The following SRFBP1 variants were observed in gnomAD, a reference collection of about 807,000 sequenced individuals.
The protein encoded by SRFBP1 is serum response factor-binding protein 1.
A neutral mutation model predicts 45.5 loss-of-function variants in SRFBP1; 47 were observed. The ratio of observed to expected loss-of-function variants is 1.03; its 90% CI spans 0.82 to 1.32. SRFBP1 has a LOEUF of 1.32. Ranked by LOEUF, SRFBP1 falls within the 40% of genes most tolerant of loss-of-function variation. The pLI is 0.00. For missense variants in SRFBP1, 621 were observed against 484.6 expected, an observed-to-expected ratio of 1.28 and a Z score of -2.64; for synonymous variants, 203 against 166.3, an observed-to-expected ratio of 1.22 and a Z score of -1.70.
chr5:121,966,730 G>A (rs571789537), intron 1 of SRFBP1, among the ~76,000 whole-genome samples: 1 of 152,120 alleles, frequency 6.6e-6, no homozygotes, highest in South Asian at 2.1e-4. Flanking sequence ...TTCATAGGAA[G>A]GCCAACGGCC....
At chr5:122,078,027 C>G, downstream of SRFBP1, 1 of 1,430,496 alleles carries the variant, frequency 7.0e-7, no homozygotes, top group Non-Finnish European at 9.1e-7. Context: ...GAGGACGTGG[C>G]TCACAGAAAA....
chr5:122,060,173 T>G (rs908016378), intron 2 of SRFBP1, among the ~76,000 whole-genome samples: 2 of 152,086 alleles, frequency 1.3e-5, no homozygotes, highest in African/African-American at 4.8e-5. Context: ...GTGGCATTAG[T>G]TCTTTCTGGA....
chr5:122,074,054 A>C, intron 2 of SRFBP1: 2 of 1,614,092 alleles, frequency 1.2e-6, no homozygotes, highest in Non-Finnish European at 1.7e-6. Flanking sequence ...TGGTAGCCAT[A>C]GTCACAGGAT....
At chr5:122,030,501 G>T (rs1367711222), downstream of SRFBP1, among the ~76,000 whole-genome samples, 1 of 152,026 alleles carries the variant, frequency 6.6e-6, no homozygotes, top group Non-Finnish European at 1.5e-5. Flanking sequence ...TAACTGGAAG[G>T]CTTAACTTGC....
chr5:122,056,490 C>A (rs758242324), intron 2 of SRFBP1, among the ~76,000 whole-genome samples: 6 of 152,134 alleles, frequency 3.9e-5, no homozygotes, highest in Admixed American at 1.3e-4. Flanking sequence ...ACATTCCTAA[C>A]CATTATCAAT....
intron 5 of SRFBP1, among the ~76,000 whole-genome samples, chr5:122,019,566 A>G (rs1301217161): frequency 1.3e-5 from 2 of 151,286 alleles, no homozygotes; most frequent in African/African-American, 2.4e-5. Flanking sequence ...AATACGTAAT[A>G]TATATCTTTT....
intron 4 of SRFBP1, among the ~76,000 whole-genome samples, chr5:121,995,209 A>C (rs1228374867): frequency 6.6e-6 from 1 of 151,842 alleles, no homozygotes; most frequent in Non-Finnish European, 1.5e-5. Context: ...AACAGAATAT[A>C]CATTTTTTTC....
rs1213918460 is a variant in SRFBP1, at chr5:122,071,204, T to C, written n.312-4111T>C. Among the ~76,000 whole-genome samples, 3 of 151,694 alleles carry C rather than the reference T, an allele frequency of 2.0e-5. 1 individual carries two copies. Among genetic ancestry groups the C allele is most frequent in the African/African-American group, 7.3e-5 (3 of 41,152 alleles). On this transcript the variant is annotated intron_variant and non_coding_transcript_variant, in intron 2 of 2. Coordinates refer to the SRFBP1 transcript ENST00000504881. ...TCGTAAACATTTATATGTGTGTGTG[T>C]GTGTGTGTGTGTGTGTATAAAAATT... is the stretch of plus-strand genomic sequence containing the variant.
At chr5:122,003,176 C>G (rs1316415974) in intron 4 of SRFBP1, among the ~76,000 whole-genome samples, 1 of 151,798 alleles carries the variant, frequency 6.6e-6, no homozygotes, top group Non-Finnish European at 1.5e-5. Flanking sequence ...AACCCTATCT[C>G]TACAAAAACA....
intron 4 of SRFBP1, among the ~76,000 whole-genome samples, chr5:122,014,923 A>G (rs1753167055): frequency 2.0e-5 from 3 of 152,184 alleles, no homozygotes; most frequent in African/African-American, 7.2e-5. Flanking sequence ...ACAGCAGTAG[A>G]TGTGTTTTTC....
chr5:121,975,528 T>A, intron 3 of SRFBP1, 141 bp downstream of exon 3: 1 of 880,860 alleles, frequency 1.1e-6, no homozygotes, highest in Non-Finnish European at 1.7e-6. Context: ...TGGTGAAGAA[T>A]GTAGCACATT....
chr5:122,009,785 T>C (rs1392875120), intron 4 of SRFBP1, among the ~76,000 whole-genome samples: 1 of 151,930 alleles, frequency 6.6e-6, no homozygotes, highest in Non-Finnish European at 1.5e-5. Context: ...TCTGCAGTAA[T>C]GGCAAGGATA....
chr5:122,000,345 T>G (rs1424861626), intron 4 of SRFBP1, among the ~76,000 whole-genome samples: 1 of 152,102 alleles, frequency 6.6e-6, no homozygotes, highest in African/African-American at 2.4e-5. Flanking sequence ...TAATTAAACA[T>G]AAAAATAAAT....
At chr5:122,032,071 A>G (rs1409515449), downstream of SRFBP1, among the ~76,000 whole-genome samples, 1 of 152,196 alleles carries the variant, frequency 6.6e-6, no homozygotes, top group Non-Finnish European at 1.5e-5. Context: ...GACCTTGTGA[A>G]TATACAGGAT....
At chr5:121,979,688 G>C (rs1483098594) in intron 3 of SRFBP1, among the ~76,000 whole-genome samples, 1 of 152,158 alleles carries the variant, frequency 6.6e-6, no homozygotes, top group South Asian at 2.1e-4. Flanking sequence ...GGGGACAGGA[G>C]AAGCAAGGAG....
intron 2 of SRFBP1, among the ~76,000 whole-genome samples, chr5:122,044,108 T>C (rs924680539): frequency 3.3e-5 from 5 of 152,298 alleles, no homozygotes; most frequent in African/African-American, 9.6e-5. Flanking sequence ...ATGTGCAGTA[T>C]TGGATTTTCT....
At chr5:122,053,396 G>A (rs1323214142) in intron 2 of SRFBP1, among the ~76,000 whole-genome samples, 2 of 152,200 alleles carry the variant, frequency 1.3e-5, no homozygotes, top group Non-Finnish European at 2.9e-5. Context: ...GCTGCCAGGG[G>A]TGGAAGTGAG....
chr5:122,012,837 G>C (rs1260570068), intron 4 of SRFBP1, among the ~76,000 whole-genome samples: 3 of 152,002 alleles, frequency 2.0e-5, no homozygotes, highest in Non-Finnish European at 4.4e-5. Context: ...TTTCTTTGAG[G>C]CTGACAATTC....
In SRFBP1 at chr5:122,015,778, G is replaced by A. The variant is rs989521629; in HGVS notation, c.271-3482G>A. ...TTCCTGCTTCAATTGCAGTTAGTTC[G>A]CATAGAGTTTACCCCTACAGTAAGA... is the stretch of plus-strand genomic sequence containing the variant. On this transcript the variant is annotated intron_variant, in intron 4 of 7. Transcript: ENST00000339397. 5.3e-5 allele frequency among the ~76,000 whole-genome samples: 8 copies of A among 151,308 alleles called. No homozygotes were observed. In the East Asian group the frequency reaches 1.2e-3, roughly 22 times the overall value.
Sources: gnomAD v4.1 joint callset for allele counts (sites outside exome capture counted in the v4.1 genomes callset) on GRCh38, gnomAD v4.1.1 for gene constraint, MANE v1.5 for transcripts, NCBI Gene and HGNC (gene_info 2026-07-23, HGNC 2026-07-21) for gene names.